NAV3: variants seen among roughly 807,000 people sequenced by gnomAD.
NAV3 encodes the protein neuron navigator 3, also known as pore membrane and/or filament interacting like protein 1.
In NAV3, 87 loss-of-function variants were observed where a neutral mutation model predicts 244.7. The observed-to-expected ratio is 0.36, with a 90% confidence interval of 0.30 to 0.42. NAV3 has a LOEUF of 0.42. Among genes scored for constraint, NAV3 ranks in the 20% least tolerant of loss-of-function variants. The probability of loss-of-function intolerance (pLI) is 1.00; values close to 1 mark genes in which losing one functional copy is unlikely to be tolerated. For missense variants in NAV3, 2,663 were observed against 2,893.3 expected (o/e 0.92, Z 1.83); for synonymous variants, 1,126 against 1,042.2 (o/e 1.08, Z -1.55).
At chr12:77,935,984 C>T (rs1248669675) in intron 1 of NAV3, among the ~76,000 whole-genome samples, 1 of 152,162 alleles carries the variant, frequency 6.6e-6, no homozygotes, top group Non-Finnish European at 1.5e-5. Flanking sequence ...CTGGGAATTA[C>T]AATTCAACAT....
chr12:77,881,637 G>A (rs1366031898), intron 1 of NAV3, among the ~76,000 whole-genome samples: 1 of 152,018 alleles, frequency 6.6e-6, no homozygotes, highest in Non-Finnish European at 1.5e-5. Context: ...AAGTCAAACT[G>A]TCTTTCTTCC....
intron 24 of NAV3, among the ~76,000 whole-genome samples, chr12:78,169,479 G>C (rs1957914566): frequency 6.6e-6 from 1 of 151,654 alleles, no homozygotes; most frequent in Non-Finnish European, 1.5e-5. Context: ...CTGAAGAAAT[G>C]CTCATTATTA....
At chr12:77,805,934 A>G (rs760879581) in intron 2 of NAV3, among the ~76,000 whole-genome samples, 10 of 151,888 alleles carry the variant, frequency 6.6e-5, no homozygotes, top group Non-Finnish European at 1.5e-4. Flanking sequence ...TTTCTTCTAG[A>G]TTTTCTAGTT....
intron 12 of NAV3, among the ~76,000 whole-genome samples, chr12:78,068,089 T>C (rs1002332646): frequency 2.0e-5 from 3 of 151,944 alleles, no homozygotes; most frequent in African/African-American, 7.2e-5. Flanking sequence ...TAGACATAAG[T>C]ATTGAGGACC....
intron 2 of NAV3, among the ~76,000 whole-genome samples, chr12:77,686,447 T>TAA (rs748735585): frequency 4.1e-4 from 43 of 103,726 alleles, no homozygotes; most frequent in African/African-American, 1.1e-3. Context: ...TTTTTTTTTT[T>TAA]AAAAACAGAG....
intron 1 of NAV3, among the ~76,000 whole-genome samples, chr12:77,916,688 G>A (rs1470017838): frequency 1.3e-5 from 2 of 151,984 alleles, no homozygotes; most frequent in Non-Finnish European, 1.5e-5. Context: ...TTAAATGCAC[G>A]TTTTTCGTCA....
At chr12:77,817,445 GTTT>G (rs964995708) in intron 2 of NAV3, among the ~76,000 whole-genome samples, 1 of 151,532 alleles carries the variant, frequency 6.6e-6, no homozygotes, top group Non-Finnish European at 1.5e-5. Context: ...AATATAAGAA[GTTT>G]TTTTTTAATT....
intron 2 of NAV3, among the ~76,000 whole-genome samples, chr12:77,724,491 T>C (rs563055219): frequency 6.6e-6 from 1 of 151,972 alleles, no homozygotes; most frequent in East Asian, 1.9e-4. Context: ...ATATCTCAAG[T>C]GCTCAATAAT....
chr12:77,911,981 G>A (rs1204888320), intron 1 of NAV3, among the ~76,000 whole-genome samples: 1 of 152,008 alleles, frequency 6.6e-6, no homozygotes, highest in South Asian at 2.1e-4. Context: ...TTCTGGAAAA[G>A]TAGCTTAACC....
rs1461652369 is a variant in NAV3 at position 77,910,260 on chromosome 12, G to T, written c.244-30059G>T. ...AGCACCTCAGGAAGCTTCCAATCAT[G>T]GTGGAAGGTGAAGGGGGAGCAGGCA... On this transcript the variant is annotated intron_variant, in intron 1 of 39. Transcript: ENST00000397909. Among the ~76,000 whole-genome samples, 3 of 152,050 alleles carry T rather than the reference G, an allele frequency of 2.0e-5. No homozygotes were observed. In the South Asian group the frequency reaches 6.2e-4, roughly 31 times the overall value.
intron 2 of NAV3, among the ~76,000 whole-genome samples, chr12:77,623,620 T>A (rs1871481514): frequency 6.6e-6 from 1 of 152,222 alleles, no homozygotes; most frequent in Non-Finnish European, 1.5e-5. Context: ...TGCTCAGCAT[T>A]ATTTGGGTCT....
intron 2 of NAV3, among the ~76,000 whole-genome samples, chr12:77,584,435 T>G (rs1363886151): frequency 2.0e-5 from 3 of 152,156 alleles, no homozygotes; most frequent in Non-Finnish European, 4.4e-5. Context: ...AAAAAAAATT[T>G]TTTTTTTAAT....
intron 1 of NAV3, among the ~76,000 whole-genome samples, chr12:77,837,569 A>G (rs1329142355): frequency 6.6e-6 from 1 of 152,128 alleles, no homozygotes; most frequent in Non-Finnish European, 1.5e-5. Flanking sequence ...AGGTTAAATT[A>G]CTTGCCAATA....
chr12:78,129,292 T>G (rs151320508), intron 18 of NAV3, among the ~76,000 whole-genome samples: 1 of 152,266 alleles, frequency 6.6e-6, no homozygotes, highest in East Asian at 1.9e-4. Context: ...AAAACATCCT[T>G]AAAACAAAAT....
chr12:78,137,404 T>G, intron 19 of NAV3, 39 bp downstream of exon 19: 1 of 1,546,298 alleles, frequency 6.5e-7, no homozygotes, highest in Non-Finnish European at 8.7e-7. Flanking sequence ...GTCACTTTAT[T>G]TAAACCCTGA....
At chr12:78,037,874 A>G (rs1880184657) in intron 9 of NAV3, among the ~76,000 whole-genome samples, 1 of 152,182 alleles carries the variant, frequency 6.6e-6, no homozygotes, top group Admixed American at 6.6e-5. Context: ...TCTATACCTC[A>G]GTGACAAGCC....
intron 2 of NAV3, among the ~76,000 whole-genome samples, chr12:77,738,686 TAATTAGAGGC>T (rs1868271825): frequency 6.6e-6 from 1 of 152,124 alleles, no homozygotes; most frequent in Non-Finnish European, 1.5e-5. Flanking sequence ...GGAAAAAATG[TAATTAGAGGC>T]AGAATAGGAG....
intron 2 of NAV3, among the ~76,000 whole-genome samples, chr12:77,713,339 C>T (rs1876212051): frequency 6.6e-6 from 1 of 152,148 alleles, no homozygotes; most frequent in African/African-American, 2.4e-5. Context: ...AATTATCTGA[C>T]TATGCTATAC....
chr12:77,943,159 A>G (rs1890035115), intron 3 of NAV3, among the ~76,000 whole-genome samples: 1 of 152,196 alleles, frequency 6.6e-6, no homozygotes, highest in South Asian at 2.1e-4. Flanking sequence ...TAGAGATTCT[A>G]CAAATCTGTG....
Sources: allele counts gnomAD v4.1 joint callset (sites outside exome capture counted in the v4.1 genomes callset), GRCh38; gene constraint gnomAD v4.1.1; transcripts MANE v1.5; gene names NCBI Gene and HGNC (gene_info 2026-07-23, HGNC 2026-07-21).